GEMIN6: variants seen among roughly 807,000 people sequenced by gnomAD.
GEMIN6 encodes the protein gem-associated protein 6.
GEMIN6 carries 13 observed loss-of-function variants against 14.1 expected under a neutral mutation model. That is an observed-to-expected ratio of 0.92 (90% CI 0.60 to 1.46). GEMIN6 has a LOEUF of 1.46. Among genes scored for constraint, GEMIN6 ranks in the 40% most tolerant of loss-of-function variants. GEMIN6 has a pLI of 0.00. For synonymous variants in GEMIN6, 87 were observed against 70.0 expected, an observed-to-expected ratio of 1.24 and a Z score of -1.21; for missense variants, 271 against 202.4, an observed-to-expected ratio of 1.34 and a Z score of -2.06.
intron 2 of GEMIN6, 52 bp downstream of exon 2, chr2:38,779,170 G>A: frequency 6.5e-7 from 1 of 1,528,880 alleles, no homozygotes; most frequent in Non-Finnish European, 8.9e-7. Flanking sequence ...TGTGCTGCCT[G>A]TATGTTATAG....
At chr2:38,779,656 ATATATATATTTT>A (rs1669033931) in intron 2 of GEMIN6, among the ~76,000 whole-genome samples, 1 of 26,912 alleles carries the variant, frequency 3.7e-5, no homozygotes, top group African/African-American at 1.0e-4. Context: ...ATATATATAT[ATATATATATTTT>A]TTTTTTTTTT....
chr2:38,779,647 TATATATA>T (rs1669031728), intron 2 of GEMIN6, among the ~76,000 whole-genome samples: 3 of 29,672 alleles, frequency 1.0e-4, no homozygotes, highest in African/African-American at 2.6e-4. Context: ...TATATATATA[TATATATA>T]TATATATATA....
At position 38,783,320 on chromosome 2, in the gene GEMIN6, TG is replaced by T; in HGVS notation, c.*1431del. ...CTCCTGCCTCAGCCCCCTCAGTAGC[TG>T]GGATTACCAGGCACATAGCACCATG... is the stretch of plus-strand genomic sequence containing the variant. On this transcript the variant is annotated 3_prime_UTR_variant, in exon 3 of 3. Coordinates refer to ENST00000281950, the MANE Select transcript of GEMIN6 (RefSeq NM_024775.10). 6.6e-6 allele frequency: 1 copy of T among 152,402 alleles called. No individual in the cohort carries two copies. Among genetic ancestry groups the T allele is most frequent in the Non-Finnish European group, 1.5e-5 (1 of 68,256 alleles). The allele number at this position is 152,402 out of a possible 1,614,324, so 9.4% of individuals were successfully genotyped here. A position where few individuals can be genotyped will look rare whatever the true frequency, so the allele number is the denominator to read the frequency against.
chr2:38,779,658 ATATATATTTTTTTT>A (rs1387196711), intron 2 of GEMIN6, among the ~76,000 whole-genome samples: 3 of 29,576 alleles, frequency 1.0e-4, no homozygotes, highest in African/African-American at 2.0e-4. Context: ...ATATATATAT[ATATATATTTTTTTT>A]TTTTTTTTTT....
intron 2 of GEMIN6, among the ~76,000 whole-genome samples, chr2:38,780,875 C>T (rs1045434710): frequency 4.6e-5 from 7 of 152,080 alleles, no homozygotes; most frequent in Non-Finnish European, 8.8e-5. Flanking sequence ...GTGATTTGCC[C>T]GCCTTGTCCT....
rs1362168072 is a variant in GEMIN6 at position 38,784,676 on chromosome 2, A to C, written c.*2784A>C. On this transcript the variant is annotated 3_prime_UTR_variant, in exon 3 of 3. Transcript: ENST00000281950. Reference sequence around the variant, plus strand: ...CTGGGGACATTGACTGTTTCCTGGCAACTGAGTCCTCTGATTGTGTAAACA... The same window carrying C: ...CTGGGGACATTGACTGTTTCCTGGCCACTGAGTCCTCTGATTGTGTAAACA... The C allele has an allele frequency of 6.6e-6, 1 of 152,210 alleles. No homozygotes were observed. Among genetic ancestry groups the C allele is most frequent in the Non-Finnish European group, 1.5e-5 (1 of 68,038 alleles). 9.4% of individuals were successfully genotyped at this position (152,210 alleles called of 1,614,324 possible).
At chr2:38,780,494 A>G (rs971623294) in intron 2 of GEMIN6, among the ~76,000 whole-genome samples, 1 of 151,620 alleles carries the variant, frequency 6.6e-6, no homozygotes, top group African/African-American at 2.4e-5. Context: ...GCTCCTAAGT[A>G]GCTGGGATTA....
chr2:38,779,659 TATATA>T (rs369949578), intron 2 of GEMIN6, among the ~76,000 whole-genome samples: 30 of 35,302 alleles, frequency 8.5e-4, no homozygotes, highest in Middle Eastern at 0.017. Context: ...TATATATATA[TATATA>T]TTTTTTTTTT....
At chr2:38,779,310 A>G (rs866091557) in intron 2 of GEMIN6, 192 bp downstream of exon 2, 12 of 586,846 alleles carry the variant, frequency 2.0e-5, no homozygotes, top group African/African-American at 1.7e-4. Context: ...GGCTCTTTGT[A>G]ACCTCCACCT....
At chr2:38,781,376 A>G (rs917787380) in intron 2 of GEMIN6, 141 bp from the exon 3 acceptor site, 1 of 891,308 alleles carries the variant, frequency 1.1e-6, no homozygotes, top group African/African-American at 1.7e-5. Flanking sequence ...TTACCTATTT[A>G]GGATCCTTAG....
chr2:38,779,665 T>TATA (rs1491245074), intron 2 of GEMIN6, among the ~76,000 whole-genome samples: 12 of 14,256 alleles, frequency 8.4e-4, no homozygotes, highest in Admixed American at 1.2e-3. Flanking sequence ...TATATATATA[T>TATA]TTTTTTTTTT....
rs757128366 is a variant in GEMIN6 at position 38,779,105 on chromosome 2, C to G, written c.115C>G (p.Pro39Ala). 1.3e-5 allele frequency: 21 copies of G among 1,612,290 alleles called. No individual in the cohort carries two copies. The highest frequency in any genetic ancestry group is 1.7e-5 in the Non-Finnish European group (20 of 1,179,248). Residue 39 changes from proline to alanine, a missense_variant, in exon 2 of 3, where the codon CCA (proline) becomes GCA (alanine). Physicochemically the swap from Pro to Ala is conservative, Grantham distance 27. Coordinates refer to ENST00000281950, the MANE Select transcript of GEMIN6 (RefSeq NM_024775.10). Reference protein sequence around the residue: ...EYKGWVLTTDPVSANIVLVNF... With the variant: ...EYKGWVLTTDAVSANIVLVNF... ...TAAAGGATGGGTTTTAACTACAGAC[C>G]CAGTCTCTGCCAAGTGAGTATGCAT...
chr2:38,778,429 AT>A (rs955063943), intron 1 of GEMIN6, 148 bp downstream of exon 1: 1 of 152,228 alleles, frequency 6.6e-6, no homozygotes, highest in Non-Finnish European at 1.5e-5. Context: ...CTTCAAACAA[AT>A]TTTAAGGGGC....
intron 1 of GEMIN6, among the ~76,000 whole-genome samples, chr2:38,778,602 A>G (rs1421254096): frequency 6.6e-6 from 1 of 152,180 alleles, no homozygotes; most frequent in African/African-American, 2.4e-5. Context: ...GGGTTTGAGC[A>G]TCATCTGCAG....
At chr2:38,780,261 C>T (rs935310126) in intron 2 of GEMIN6, among the ~76,000 whole-genome samples, 8 of 150,012 alleles carry the variant, frequency 5.3e-5, no homozygotes, top group African/African-American at 1.2e-4. Context: ...CAGAGCTTGC[C>T]GTGAGCTGAG....
At chr2:38,778,843 T>C in intron 1 of GEMIN6, 129 bp from the exon 2 acceptor site, 1 of 681,078 alleles carries the variant, frequency 1.5e-6, no homozygotes, top group Non-Finnish European at 2.4e-6. Context: ...TACTTAATTG[T>C]ATTAAGTTAC....
In GEMIN6 at chr2:38,781,787, G is replaced by C. The variant is rs779251075; in HGVS notation, c.399G>C (p.Leu133=). 2.0e-5 allele frequency: 32 copies of C among 1,614,028 alleles called. No homozygotes were observed. The African/African-American group carries it at 4.1e-4, about 21-fold the overall frequency. ...GGACTCTCTGTGTGGCTGGGGTCCT[G>C]ACTATAGACCCACCATATGGTCCAG... is the stretch of plus-strand genomic sequence containing the variant. ...APRTLCVAGV[L]TIDPPYGPEN... is the part of the protein sequence containing the mutation. The change falls in exon 3 of 3, where the codon CTG becomes CTC. Residue 133 remains leucine, a synonymous_variant. Coordinates refer to ENST00000281950, the MANE Select transcript of GEMIN6 (RefSeq NM_024775.10).
Position 38,781,976 on chromosome 2 carries a change from T to C in GEMIN6, c.*84T>C. On this transcript the variant is annotated 3_prime_UTR_variant, in exon 3 of 3. Coordinates refer to ENST00000281950, the MANE Select transcript of GEMIN6 (RefSeq NM_024775.10). ...TGTTTTAAATGTAAATGTACATGAC[T>C]GTGTGTGTGTATGTGTGTGTGTGTA... The C allele has an allele frequency of 7.8e-7, 1 of 1,277,200 alleles. No individual in the cohort carries two copies. Among genetic ancestry groups the C allele is most frequent in the South Asian group, 1.4e-5 (1 of 69,024 alleles). 79.1% of individuals were successfully genotyped at this position (1,277,200 alleles called of 1,614,324 possible). A position where few individuals can be genotyped will look rare whatever the true frequency, so the allele number is the denominator to read the frequency against.
At position 38,783,471 on chromosome 2, in the gene GEMIN6, G is replaced by A. The variant is rs945184957; in HGVS notation, c.*1579G>A. ...CAAAGTGCTGGGATTATAGGCATGA[G>A]AGCCTCCGTGCCTGGCTTTTTTTTT... is the stretch of plus-strand genomic sequence containing the variant. On this transcript the variant is annotated 3_prime_UTR_variant, in exon 3 of 3. Transcript: ENST00000281950. 2 of 147,158 alleles carry A rather than the reference G, an allele frequency of 1.4e-5. No individual in the cohort carries two copies. The highest frequency in any genetic ancestry group is 3.0e-5 in the Non-Finnish European group (2 of 67,492). The allele number at this position is 147,158 out of a possible 1,614,324, so 9.1% of individuals were successfully genotyped here.
Sources: gnomAD v4.1 joint callset for allele counts (sites outside exome capture counted in the v4.1 genomes callset) on GRCh38, gnomAD v4.1.1 for gene constraint, MANE v1.5 for transcripts, NCBI Gene and HGNC (gene_info 2026-07-23, HGNC 2026-07-21) for gene names.